IGF1R: variants seen among roughly 807,000 people sequenced by gnomAD.
IGF1R encodes the protein insulin-like growth factor 1 receptor.
Under a neutral mutation model 144.6 loss-of-function variants are expected in IGF1R, and 44 were observed. The observed-to-expected ratio is 0.30, with a 90% CI of 0.24 to 0.39. The LOEUF (loss-of-function observed/expected upper bound fraction) is 0.39, where lower values mean the gene tolerates loss of function less well. Among genes scored for constraint, IGF1R ranks in the 10% least tolerant of loss-of-function variants. The pLI, the probability that IGF1R is intolerant of heterozygous loss-of-function variation, is 1.00. For synonymous variants in IGF1R, 795 were observed against 722.8 expected (o/e 1.10, Z -1.60); for missense variants, 1,355 against 1,833.7 (o/e 0.74, Z 4.77).
chr15:98,723,642 G>A (rs979859393), intron 2 of IGF1R, among the ~76,000 whole-genome samples: 23 of 152,190 alleles, frequency 1.5e-4, no homozygotes, highest in Middle Eastern at 3.2e-3. Flanking sequence ...AAAGAGTAGG[G>A]CCGTTGCATT....
chr15:98,949,949 C>T (rs1295068045), intron 20 of IGF1R, among the ~76,000 whole-genome samples: 1 of 152,282 alleles, frequency 6.6e-6, no homozygotes, highest in East Asian at 1.9e-4. Flanking sequence ...TCATCAGGCG[C>T]ACAACAGGTA....
intron 2 of IGF1R, among the ~76,000 whole-genome samples, chr15:98,778,040 A>AC (rs1406687811): frequency 1.3e-5 from 2 of 152,196 alleles, no homozygotes; most frequent in Non-Finnish European, 2.9e-5. Flanking sequence ...TTCAGCAATG[A>AC]CAATGCAGAG....
intron 2 of IGF1R, among the ~76,000 whole-genome samples, chr15:98,884,129 G>C (rs1009645563): frequency 6.6e-6 from 1 of 152,044 alleles, no homozygotes; most frequent in African/African-American, 2.4e-5. Flanking sequence ...CACTCCACTG[G>C]GGGGCTGCTA....
chr15:98,795,100 A>G (rs994287899), intron 2 of IGF1R, among the ~76,000 whole-genome samples: 6 of 148,778 alleles, frequency 4.0e-5, no homozygotes, highest in Non-Finnish European at 7.4e-5. Context: ...TGTTCATAAC[A>G]TTTAACCCTC....
chr15:98,691,819 T>C (rs535549208), intron 1 of IGF1R, among the ~76,000 whole-genome samples: 2 of 152,266 alleles, frequency 1.3e-5, no homozygotes, highest in African/African-American at 4.8e-5. Context: ...GGGACATACA[T>C]CTATTTGCCC....
chr15:98,938,345 G>T (rs2016236826), intron 17 of IGF1R, among the ~76,000 whole-genome samples: 2 of 152,244 alleles, frequency 1.3e-5, no homozygotes, highest in African/African-American at 4.8e-5. Flanking sequence ...TGTAGAGTCT[G>T]TTGCACTTGT....
At chr15:98,916,170 G>T in intron 9 of IGF1R, 39 bp downstream of exon 9, 1 of 1,598,742 alleles carries the variant, frequency 6.3e-7, no homozygotes, top group African/African-American at 1.3e-5. Flanking sequence ...GGGTGTGACC[G>T]TTCATTCCTG....
At chr15:98,771,696 T>C (rs2055590021) in intron 2 of IGF1R, among the ~76,000 whole-genome samples, 1 of 152,032 alleles carries the variant, frequency 6.6e-6, no homozygotes, top group South Asian at 2.1e-4. Flanking sequence ...TAACAACGTA[T>C]GCAAGAGATT....
At chr15:98,955,565 C>T (rs28582005) in intron 20 of IGF1R, among the ~76,000 whole-genome samples, 19,162 of 152,230 alleles carry the variant, frequency 0.13, 1,587 homozygotes, top group African/African-American at 0.23. Context: ...GAGACGCAGG[C>T]CCCCGGGCTC....
chr15:98,831,173 A>C (rs1393699723), intron 2 of IGF1R, among the ~76,000 whole-genome samples: 1 of 152,226 alleles, frequency 6.6e-6, no homozygotes, highest in Non-Finnish European at 1.5e-5. Flanking sequence ...ACAAACATTC[A>C]AACTATATCT....
chr15:98,947,813 TC>T (rs2016611946), intron 19 of IGF1R, among the ~76,000 whole-genome samples: 1 of 152,062 alleles, frequency 6.6e-6, no homozygotes, highest in African/African-American at 2.4e-5. Flanking sequence ...CCCACCCTGG[TC>T]CCCCCACCTG....
At chr15:98,761,070 C>T (rs1405748365) in intron 2 of IGF1R, among the ~76,000 whole-genome samples, 1 of 152,244 alleles carries the variant, frequency 6.6e-6, no homozygotes, top group Non-Finnish European at 1.5e-5. Flanking sequence ...CACCACCTGG[C>T]CTCTGTGCCA....
intron 8 of IGF1R, 74 bp downstream of exon 8, chr15:98,913,356 C>T: frequency 8.7e-7 from 1 of 1,151,294 alleles, no homozygotes; most frequent in Non-Finnish European, 1.3e-6. Context: ...TACCAGGTGT[C>T]ATTGTAGGGT....
intron 5 of IGF1R, among the ~76,000 whole-genome samples, chr15:98,906,334 G>A (rs1370959592): frequency 1.3e-5 from 2 of 152,198 alleles, no homozygotes; most frequent in African/African-American, 2.4e-5. Context: ...GGTCCTTACC[G>A]GCAGCCCAGA....
intron 5 of IGF1R, among the ~76,000 whole-genome samples, chr15:98,901,793 A>G (rs2151660328): frequency 6.6e-6 from 1 of 152,314 alleles, no homozygotes; most frequent in Admixed American, 6.5e-5. Flanking sequence ...GCTTTCGGGA[A>G]AAACTTGAGG....
intron 2 of IGF1R, among the ~76,000 whole-genome samples, chr15:98,848,696 A>G (rs373049171): frequency 9.9e-5 from 15 of 152,276 alleles, no homozygotes; most frequent in African/African-American, 3.6e-4. Context: ...CTCAACCTCT[A>G]TTTATTGTTA....
At chr15:98,782,025 G>A (rs1001146786) in intron 2 of IGF1R, among the ~76,000 whole-genome samples, 2 of 152,018 alleles carry the variant, frequency 1.3e-5, no homozygotes, top group Non-Finnish European at 2.9e-5. Context: ...ATGGGGTCTT[G>A]CTGTGTTGCC....
chr15:98,920,440 G>A (rs1367918139), intron 10 of IGF1R, among the ~76,000 whole-genome samples: 1 of 152,198 alleles, frequency 6.6e-6, no homozygotes, highest in Non-Finnish European at 1.5e-5. Context: ...AGCCGGGAGA[G>A]GGGTTTTGAC....
At chr15:98,738,562 A>G (rs1203325647) in intron 2 of IGF1R, among the ~76,000 whole-genome samples, 1 of 152,154 alleles carries the variant, frequency 6.6e-6, no homozygotes, top group East Asian at 1.9e-4. Context: ...ATCCCACAGG[A>G]TTTTAGTCCT....
Sources: allele counts gnomAD v4.1 joint callset (sites outside exome capture counted in the v4.1 genomes callset), GRCh38; gene constraint gnomAD v4.1.1; transcripts MANE v1.5; gene names NCBI Gene and HGNC (gene_info 2026-07-23, HGNC 2026-07-21).